Variants in SPOCK1 observed in about 807,000 individuals in gnomAD.
The protein encoded by SPOCK1 is testican-1.
A neutral mutation model predicts 55.3 loss-of-function variants in SPOCK1; 23 were observed. The ratio of observed to expected loss-of-function variants is 0.42; its 90% CI spans 0.30 to 0.59. The LOEUF (loss-of-function observed/expected upper bound fraction) is 0.59, where lower values mean the gene tolerates loss of function less well. SPOCK1 is among the 20% of genes least tolerant of loss of function. SPOCK1 has a pLI of 0.22. For synonymous variants in SPOCK1, 226 were observed against 221.0 expected (o/e 1.02, Z -0.20); for missense variants, 499 against 552.5 (o/e 0.90, Z 0.97).
chr5:137,116,977 C>A lies in SPOCK1; in HGVS notation c.348-4416G>T, dbSNP rs187174077. On this transcript the variant is annotated intron_variant, in intron 4 of 10. Coordinates refer to ENST00000394945, the MANE Select transcript of SPOCK1 (RefSeq NM_004598.4). ...CCTCCAAAGGCAGTCAGGCTGCACTCCCACTCCACCATAGCCTAGTGACCA... is the reference window on the plus strand; with the variant it reads ...CCTCCAAAGGCAGTCAGGCTGCACTACCACTCCACCATAGCCTAGTGACCA... 2.6e-3 allele frequency among the ~76,000 whole-genome samples: 398 copies of A among 152,296 alleles called. 1 individual carries two copies. The highest frequency in any genetic ancestry group is 4.2e-3 in the Non-Finnish European group (284 of 68,026).
At chr5:137,410,719 C>G (rs182677220) in intron 2 of SPOCK1, among the ~76,000 whole-genome samples, 7 of 152,200 alleles carry the variant, frequency 4.6e-5, no homozygotes, top group Non-Finnish European at 8.8e-5. Context: ...AGCATGAGCT[C>G]GAGTTCAGAA....
intron 3 of SPOCK1, among the ~76,000 whole-genome samples, chr5:137,204,857 C>T (rs576398178): frequency 6.0e-4 from 91 of 152,246 alleles, no homozygotes; most frequent in African/African-American, 1.9e-3. Context: ...TAGAAGCACT[C>T]GCCTCTGCTT....
At chr5:137,010,795 A>G (rs1204918698) in intron 6 of SPOCK1, among the ~76,000 whole-genome samples, 2 of 152,154 alleles carry the variant, frequency 1.3e-5, no homozygotes, top group Non-Finnish European at 2.9e-5. Context: ...TACCTACCAC[A>G]TGCCGAAATT....
intron 2 of SPOCK1, among the ~76,000 whole-genome samples, chr5:137,399,561 A>G (rs911519533): frequency 5.3e-5 from 8 of 152,104 alleles, no homozygotes; most frequent in African/African-American, 1.9e-4. Flanking sequence ...CATCATCGAA[A>G]ACATTTATTC....
At chr5:137,224,542 T>C (rs1189221835) in intron 3 of SPOCK1, among the ~76,000 whole-genome samples, 1 of 152,170 alleles carries the variant, frequency 6.6e-6, no homozygotes, top group Non-Finnish European at 1.5e-5. Context: ...AGTACCTACC[T>C]ACATGCAGCT....
At chr5:137,178,593 C>T (rs1248385701) in intron 3 of SPOCK1, among the ~76,000 whole-genome samples, 1 of 152,220 alleles carries the variant, frequency 6.6e-6, no homozygotes, top group East Asian at 1.9e-4. Context: ...AAGTTTCTTT[C>T]TCTACAGAGT....
chr5:137,419,818 G>A (rs1192489176), intron 2 of SPOCK1, among the ~76,000 whole-genome samples: 1 of 152,092 alleles, frequency 6.6e-6, no homozygotes, highest in Non-Finnish European at 1.5e-5. Flanking sequence ...GTTTTCCCTG[G>A]CCAGAACTTC....
chr5:137,189,798 C>T (rs191977240), intron 3 of SPOCK1, among the ~76,000 whole-genome samples: 38 of 152,112 alleles, frequency 2.5e-4, no homozygotes, highest in African/African-American at 7.9e-4. Flanking sequence ...GAAAACCTTC[C>T]GAAAATGATT....
At chr5:137,216,309 C>G (rs17778739) in intron 3 of SPOCK1, among the ~76,000 whole-genome samples, 16,887 of 152,230 alleles carry the variant, frequency 0.11, 1,177 homozygotes, top group East Asian at 0.22. Context: ...GCTGTTATGG[C>G]TCATTCAGTT....
chr5:137,103,842 A>C (rs1753314696), intron 5 of SPOCK1, among the ~76,000 whole-genome samples: 1 of 152,236 alleles, frequency 6.6e-6, no homozygotes. Flanking sequence ...ATTTTCACAT[A>C]ATGTAAACTA....
At chr5:137,438,950 G>A (rs12188851) in intron 2 of SPOCK1, among the ~76,000 whole-genome samples, 3,277 of 152,308 alleles carry the variant, frequency 0.022, 57 homozygotes, top group Non-Finnish European at 0.032. Context: ...AACTCAACAC[G>A]TGACTTAAGA....
At chr5:137,357,642 T>C (rs2127164403) in intron 2 of SPOCK1, among the ~76,000 whole-genome samples, 1 of 152,270 alleles carries the variant, frequency 6.6e-6, no homozygotes, top group South Asian at 2.1e-4. Context: ...CAGGTGAGTG[T>C]ACACAAATGC....
intron 2 of SPOCK1, among the ~76,000 whole-genome samples, chr5:137,484,997 G>A (rs367620981): frequency 2.6e-5 from 4 of 152,134 alleles, no homozygotes; most frequent in South Asian, 2.1e-4. Flanking sequence ...ATAAAACCAC[G>A]AAAATAAAAA....
chr5:137,112,430 C>G lies in SPOCK1; in HGVS notation c.474+5G>C. On this transcript the variant is annotated splice_donor_5th_base_variant and intron_variant, in intron 5 of 10. Coordinates refer to ENST00000394945, the MANE Select transcript of SPOCK1 (RefSeq NM_004598.4). The stretch of plus-strand genomic sequence containing the variant: ...TTGATAACATAAAAAGACAAGAAAA[C>G]CAACCTTGGATGTGTAGGAGTGGCC... 6.2e-7 allele frequency: 1 copy of G among 1,611,194 alleles called. No homozygotes were observed.
chr5:137,143,145 A>G (rs1754130877), intron 3 of SPOCK1, among the ~76,000 whole-genome samples: 1 of 152,182 alleles, frequency 6.6e-6, no homozygotes. Context: ...AGTCATAGTT[A>G]TCAGCTGAGG....
At chr5:137,145,974 C>T (rs1754183620) in intron 3 of SPOCK1, among the ~76,000 whole-genome samples, 1 of 152,186 alleles carries the variant, frequency 6.6e-6, no homozygotes, top group African/African-American at 2.4e-5. Context: ...TCCTGAAGGG[C>T]CTTGGAGCCA....
intron 4 of SPOCK1, among the ~76,000 whole-genome samples, chr5:137,125,101 A>G (rs1753761502): frequency 6.6e-6 from 1 of 152,194 alleles, no homozygotes; most frequent in Middle Eastern, 3.2e-3. Flanking sequence ...TCTTACTGTA[A>G]GCATCACTTT....
At chr5:137,229,257 T>C (rs1756004622) in intron 3 of SPOCK1, among the ~76,000 whole-genome samples, 4 of 152,202 alleles carry the variant, frequency 2.6e-5, no homozygotes, top group Admixed American at 2.6e-4. Flanking sequence ...ATATTGATCT[T>C]GGCAAAAGTA....
At chr5:137,406,759 A>C (rs998346011) in intron 2 of SPOCK1, among the ~76,000 whole-genome samples, 2 of 152,184 alleles carry the variant, frequency 1.3e-5, no homozygotes, top group African/African-American at 4.8e-5. Context: ...TCTACTTTCT[A>C]GGTAAGTGGC....
Sources: allele counts gnomAD v4.1 joint callset (sites outside exome capture counted in the v4.1 genomes callset), GRCh38; gene constraint gnomAD v4.1.1; transcripts MANE v1.5; gene names NCBI Gene and HGNC (gene_info 2026-07-23, HGNC 2026-07-21).